ITPR2: variants seen among roughly 807,000 people sequenced by gnomAD.
ITPR2 encodes the protein inositol 1,4,5-trisphosphate receptor type 2, also known as inositol 1,4,5-trisphosphate-gated calcium channel ITPR2.
Under a neutral mutation model 317.1 loss-of-function variants are expected in ITPR2, and 207 were observed. That is an observed-to-expected ratio of 0.65 (90% CI 0.58 to 0.73). The LOEUF is 0.73. ITPR2 is among the 30% of genes least tolerant of loss of function. The pLI is 0.00. For synonymous variants in ITPR2, 1,156 were observed against 1,149.1 expected (o/e 1.01, Z -0.12); for missense variants, 2,613 against 3,284.0 (o/e 0.80, Z 4.99).
intron 10 of ITPR2, 55 bp downstream of exon 10, chr12:26,695,551 T>A: frequency 1.4e-6 from 2 of 1,423,046 alleles, no homozygotes; most frequent in South Asian, 1.2e-5. Flanking sequence ...AATCTATCCA[T>A]ATAAAATAAT....
intron 13 of ITPR2, among the ~76,000 whole-genome samples, chr12:26,676,926 G>C (rs574609029): frequency 6.6e-6 from 1 of 152,092 alleles, no homozygotes; most frequent in East Asian, 1.9e-4. Flanking sequence ...AATAAACACA[G>C]AACTAAGGTT....
At chr12:26,461,627 A>ATAT (rs1942023954) in intron 45 of ITPR2, among the ~76,000 whole-genome samples, 1 of 48,734 alleles carries the variant, frequency 2.1e-5, no homozygotes, top group African/African-American at 8.4e-5. Context: ...AAAGCATATA[A>ATAT]ATATATATAT....
intron 10 of ITPR2, among the ~76,000 whole-genome samples, chr12:26,694,389 C>T (rs1312959119): frequency 6.6e-6 from 1 of 152,146 alleles, no homozygotes; most frequent in Non-Finnish European, 1.5e-5. Context: ...TATAGAATTC[C>T]TCTTCCTGAC....
At chr12:26,443,501 C>A (rs761136319) in intron 46 of ITPR2, 42 bp downstream of exon 46, 23 of 1,473,654 alleles carry the variant, frequency 1.6e-5, no homozygotes, top group Non-Finnish European at 2.0e-5. Flanking sequence ...GTAAGCATAA[C>A]TTTTCACAGT....
rs542104168 is a variant in ITPR2, at chr12:26,744,465, A to C, written c.164-18700T>G. Among the ~76,000 whole-genome samples, 6 of 152,348 alleles carry C rather than the reference A, an allele frequency of 3.9e-5. No individual in the cohort carries two copies. In the East Asian group the frequency reaches 1.2e-3, roughly 29 times the overall value. ...AAGTATCAGTGAGGCCTGCCCTGGC[A>C]CTGCAAACACAGCAACCCTTCCCAA... On this transcript the variant is annotated intron_variant, in intron 2 of 56. Transcript: ENST00000381340.
At chr12:26,420,565 C>T (rs1234836204) in intron 49 of ITPR2, among the ~76,000 whole-genome samples, 1 of 152,104 alleles carries the variant, frequency 6.6e-6, no homozygotes, top group African/African-American at 2.4e-5. Flanking sequence ...AACATAGCAA[C>T]TAAAAAGGCC....
At chr12:26,651,753 A>C (rs553990380) in intron 21 of ITPR2, among the ~76,000 whole-genome samples, 3 of 152,220 alleles carry the variant, frequency 2.0e-5, no homozygotes, top group African/African-American at 7.2e-5. Flanking sequence ...GGTTTATAGG[A>C]TCTCTTGTTC....
intron 20 of ITPR2, 42 bp downstream of exon 20, chr12:26,655,666 C>A: frequency 1.4e-6 from 2 of 1,479,010 alleles, no homozygotes; most frequent in Non-Finnish European, 1.9e-6. Flanking sequence ...AACTAAACTA[C>A]CCAGTTACCA....
intron 32 of ITPR2, among the ~76,000 whole-genome samples, chr12:26,592,804 G>A (rs778588894): frequency 5.3e-5 from 8 of 152,144 alleles, no homozygotes; most frequent in Non-Finnish European, 7.3e-5. Context: ...TATCTCATAC[G>A]TGGCTATTCA....
intron 55 of ITPR2, among the ~76,000 whole-genome samples, chr12:26,363,383 T>C (rs1219139472): frequency 6.6e-6 from 1 of 152,196 alleles, no homozygotes; most frequent in East Asian, 1.9e-4. Flanking sequence ...TATGCTACAA[T>C]GTAATAACAA....
rs1565574484 is a variant in ITPR2 at position 26,516,265 on chromosome 12, A to AGGAAAGGAAAGGAAG, written c.5074-21006_5074-21005insCTTCCTTTCCTTTCC. Among the ~76,000 whole-genome samples, 19 of 34,450 alleles carry AGGAAAGGAAAGGAAG rather than the reference A, an allele frequency of 5.5e-4. 1 individual carries two copies. The highest frequency in any genetic ancestry group is 1.3e-3 in the South Asian group (1 of 772). The allele number at this position is 34,450 out of a possible 152,430, so 22.6% of individuals were successfully genotyped here. On this transcript the variant is annotated intron_variant, in intron 37 of 56. Transcript: ENST00000381340. ...AGGAAAGGAAAGGAAAGGAAAGGAAAGGAAAGGAAGGGAAGGGAAGGGAAA... is the reference window on the plus strand; with the variant it reads ...AGGAAAGGAAAGGAAAGGAAAGGAAAGGAAAGGAAAGGAAGGGAAAGGAAGGGAAGGGAAGGGAAA...
intron 37 of ITPR2, among the ~76,000 whole-genome samples, chr12:26,529,252 C>A (rs897451358): frequency 1.3e-5 from 2 of 152,186 alleles, no homozygotes; most frequent in African/African-American, 4.8e-5. Context: ...ACATCAAAGT[C>A]CTTACCATCT....
chr12:26,665,834 T>C, intron 14 of ITPR2, 76 bp downstream of exon 14: 6 of 1,271,020 alleles, frequency 4.7e-6, no homozygotes, highest in Non-Finnish European at 6.7e-6. Context: ...TAGTAATAGA[T>C]AACTAATACA....
chr12:26,534,022 A>G (rs2136965888), intron 37 of ITPR2, among the ~76,000 whole-genome samples: 1 of 152,176 alleles, frequency 6.6e-6, no homozygotes, highest in South Asian at 2.1e-4. Context: ...TTCTCCAAGT[A>G]ATTCTCTCCC....
intron 51 of ITPR2, among the ~76,000 whole-genome samples, chr12:26,413,843 A>G (rs1297746525): frequency 2.0e-5 from 3 of 152,246 alleles, no homozygotes. Context: ...TTCATAACAC[A>G]ATGATAACCA....
At chr12:26,556,007 C>T (rs1944653201) in intron 36 of ITPR2, among the ~76,000 whole-genome samples, 1 of 152,204 alleles carries the variant, frequency 6.6e-6, no homozygotes, top group Non-Finnish European at 1.5e-5. Context: ...CATAATGACA[C>T]ACTTTATTTT....
chr12:26,400,317 T>C (rs1940132657), intron 52 of ITPR2, 59 bp from the exon 53 acceptor site: 5 of 1,029,646 alleles, frequency 4.9e-6, no homozygotes, highest in Non-Finnish European at 6.6e-6. Context: ...TAAAATAAAA[T>C]ACACATAAAA....
intron 45 of ITPR2, among the ~76,000 whole-genome samples, chr12:26,454,944 G>A (rs990965059): frequency 5.9e-5 from 9 of 152,186 alleles, no homozygotes; most frequent in African/African-American, 9.7e-5. Flanking sequence ...CAATGAGGCT[G>A]AGTGAAGAGC....
intron 2 of ITPR2, among the ~76,000 whole-genome samples, chr12:26,764,604 A>T (rs1347620339): frequency 6.6e-6 from 1 of 152,062 alleles, no homozygotes; most frequent in Non-Finnish European, 1.5e-5. Context: ...GTATCCCAGA[A>T]CTTAAAGTAT....
Sources: gnomAD v4.1 joint callset for allele counts (sites outside exome capture counted in the v4.1 genomes callset) on GRCh38, gnomAD v4.1.1 for gene constraint, MANE v1.5 for transcripts, NCBI Gene and HGNC (gene_info 2026-07-23, HGNC 2026-07-21) for gene names.